Variants in RPS6KA1 observed in about 807,000 individuals in gnomAD.
RPS6KA1 encodes ribosomal protein S6 kinase alpha-1.
RPS6KA1 carries 48 observed loss-of-function variants against 91.3 expected under a neutral mutation model. The observed-to-expected ratio is 0.53, with a 90% CI of 0.42 to 0.67. RPS6KA1 has a LOEUF of 0.67. RPS6KA1 is among the 30% of genes least tolerant of loss of function. The pLI is 0.00. For synonymous variants in RPS6KA1, 359 were observed against 384.7 expected (o/e 0.93, Z 0.78); for missense variants, 719 against 960.5 (o/e 0.75, Z 3.32).
At chr1:26,542,902 T>C (rs2075959693) in intron 2 of RPS6KA1, among the ~76,000 whole-genome samples, 1 of 152,206 alleles carries the variant, frequency 6.6e-6, no homozygotes, top group South Asian at 2.1e-4. Flanking sequence ...GACTTTTGTC[T>C]CTGCTCTTGT....
chr1:26,573,177 G>GC, intron 20 of RPS6KA1, 47 bp from the exon 21 acceptor site: 1 of 1,598,614 alleles, frequency 6.3e-7, no homozygotes, highest in Non-Finnish European at 8.5e-7. Context: ...TCAGGGGCCT[G>GC]CTCCCCTGCA....
intron 21 of RPS6KA1, 85 bp downstream of exon 21, chr1:26,573,446 C>A: frequency 1.3e-6 from 2 of 1,487,580 alleles, no homozygotes; most frequent in Non-Finnish European, 1.9e-6. Flanking sequence ...CCAGGCAATG[C>A]CATGTCTGTA....
intron 2 of RPS6KA1, among the ~76,000 whole-genome samples, chr1:26,546,332 C>T (rs761459723): frequency 2.0e-5 from 3 of 152,200 alleles, no homozygotes; most frequent in East Asian, 1.9e-4. Flanking sequence ...AGTCTTTGGC[C>T]TTAACTCTGA....
At chr1:26,533,923 C>A (rs907931228) in intron 1 of RPS6KA1, among the ~76,000 whole-genome samples, 16 of 152,100 alleles carry the variant, frequency 1.1e-4, no homozygotes, top group African/African-American at 3.6e-4. Flanking sequence ...CCTGACCCCC[C>A]TACCAGTCTG....
chr1:26,563,784 A>G (rs1245736211), intron 17 of RPS6KA1, among the ~76,000 whole-genome samples: 1 of 152,110 alleles, frequency 6.6e-6, no homozygotes, highest in Non-Finnish European at 1.5e-5. Context: ...CTCTAACATC[A>G]TTATTAGCTT....
intron 2 of RPS6KA1, chr1:26,546,110 TA>T (rs920657879): frequency 3.9e-6 from 6 of 1,539,342 alleles, no homozygotes; most frequent in Non-Finnish European, 4.4e-6. Context: ...CAGCTTAACA[TA>T]AGCTGGCTTT....
chr1:26,530,462 A>G (rs1247677322), intron 1 of RPS6KA1, among the ~76,000 whole-genome samples: 1 of 152,120 alleles, frequency 6.6e-6, no homozygotes, highest in Non-Finnish European at 1.5e-5. Context: ...CCCCTGGCGG[A>G]TGCGGAGTGT....
At chr1:26,548,370 A>G (rs181040369) in intron 4 of RPS6KA1, among the ~76,000 whole-genome samples, 69 of 152,262 alleles carry the variant, frequency 4.5e-4, no homozygotes, top group African/African-American at 1.6e-3. Flanking sequence ...GGGTGGGCCC[A>G]GAGGCCAAGG....
Position 26,547,458 on chromosome 1 carries a change from T to TGCA in RPS6KA1, c.307+188_307+189insGCA. 1 of 584,584 alleles carries TGCA rather than the reference T, an allele frequency of 1.7e-6. No individual in the cohort carries two copies. The highest frequency in any genetic ancestry group is 2.9e-5 in the East Asian group (1 of 34,310). 36.2% of individuals were successfully genotyped at this position (584,584 alleles called of 1,614,324 possible). ...ATCCTCCTCCCCCTAAGCCAAGTGCTAGTGACTGGCTGTGAAGGTCTGGAA... is the reference window on the plus strand; with the variant it reads ...ATCCTCCTCCCCCTAAGCCAAGTGCTGCAAGTGACTGGCTGTGAAGGTCTGGAA... On this transcript the variant is annotated intron_variant, in intron 4 of 21. Coordinates refer to ENST00000374168, the MANE Select transcript of RPS6KA1 (RefSeq NM_002953.4). The surrounding 1 kb of genome is among the most constrained non-coding windows in gnomAD (Gnocchi z 4.1).
At chr1:26,544,141 C>T (rs779809374) in intron 2 of RPS6KA1, 1 of 456,360 alleles carries the variant, frequency 2.2e-6, no homozygotes, top group South Asian at 1.5e-5. Context: ...CTGCTGCCTG[C>T]CCGTGTGTCT....
At position 26,555,972 on chromosome 1, in the gene RPS6KA1, C is replaced by A; in HGVS notation, c.916+347C>A. 2.6e-6 allele frequency: 1 copy of A among 385,536 alleles called. No individual in the cohort carries two copies. Among genetic ancestry groups the A allele is most frequent in the Admixed American group, 3.7e-5 (1 of 26,776 alleles). The allele number at this position is 385,536 out of a possible 1,614,324, so 23.9% of individuals were successfully genotyped here. A position where few individuals can be genotyped will look rare whatever the true frequency, so the allele number is the denominator to read the frequency against. On this transcript the variant is annotated intron_variant, in intron 11 of 21. Coordinates refer to ENST00000374168, the MANE Select transcript of RPS6KA1 (RefSeq NM_002953.4). The surrounding 1 kb of genome is among the most constrained non-coding windows in gnomAD (Gnocchi z 4.3). ...ATCCCGGCTCTGTGTCAGGTCCCCA[C>A]TGCCTGGCACAAAACAGTCCCTCTA...
At chr1:26,562,860 G>C (rs547121404) in intron 17 of RPS6KA1, among the ~76,000 whole-genome samples, 1 of 105,456 alleles carries the variant, frequency 9.5e-6, no homozygotes, top group Non-Finnish European at 1.7e-5. Context: ...TTTGGAGATA[G>C]AGTCTTGCTC....
In RPS6KA1 at chr1:26,567,021, C is replaced by CTCT. The variant is rs1553134125; in HGVS notation, c.1591-4427_1591-4426insCTT. ...GGGTTCTGTGCACTTTACATATTAA[C>CTCT]TTTTTTTTTTTTTGAGACAGGGTCT... On this transcript the variant is annotated intron_variant, in intron 17 of 21. Transcript: ENST00000374168. Among the ~76,000 whole-genome samples, 36 of 76,838 alleles carry CTCT rather than the reference C, an allele frequency of 4.7e-4. 1 individual carries two copies. In the East Asian group the frequency reaches 0.013, roughly 28 times the overall value. The allele number at this position is 76,838 out of a possible 152,430, so 50.4% of individuals were successfully genotyped here. A position where few individuals can be genotyped will look rare whatever the true frequency, so the allele number is the denominator to read the frequency against.
intron 12 of RPS6KA1, 35 bp downstream of exon 12, chr1:26,556,753 G>GGGCTCAGCCATCTTGGCCAC: frequency 6.2e-7 from 1 of 1,611,204 alleles, no homozygotes; most frequent in Non-Finnish European, 8.5e-7. Flanking sequence ...GCTCTGGCCA[G>GGGCTCAGCCATCTTGGCCAC]GGCTCAGCCA....
At chr1:26,550,501 TAG>T (rs929089544) in intron 4 of RPS6KA1, among the ~76,000 whole-genome samples, 1 of 151,962 alleles carries the variant, frequency 6.6e-6, no homozygotes, top group African/African-American at 2.4e-5. Flanking sequence ...GTATTTTTAA[TAG>T]AGACAGGGTT....
At chr1:26,573,014 T>TC (rs1374859812) in intron 20 of RPS6KA1, among the ~76,000 whole-genome samples, 1 of 152,136 alleles carries the variant, frequency 6.6e-6, no homozygotes, top group Non-Finnish European at 1.5e-5. Flanking sequence ...GGAAGGGTGT[T>TC]CCAGGACGAA....
Position 26,555,625 on chromosome 1 carries a change from G to A in RPS6KA1, c.916G>A (p.Gly306Ser), listed in dbSNP as rs1355237114. 7.6e-6 allele frequency: 12 copies of A among 1,589,284 alleles called. No individual in the cohort carries two copies. The highest frequency in any genetic ancestry group is 1.3e-5 in the African/African-American group (1 of 74,288). Residue 306 changes from glycine (G) to serine (S), a missense_variant and splice_region_variant, in exon 11 of 22, where the codon GGC becomes AGC. By Grantham distance (56) the Gly-to-Ser change is moderately conservative (BLOSUM62 0). Transcript: ENST00000374168. This position sits in a 1 kb window ranked among gnomAD's most constrained non-coding sequence, Gnocchi z 4.3. ...LFKRNPANRL[G>S]SGPDGAEEIK... The stretch of plus-strand genomic sequence containing the variant: ...CAAGCGGAATCCTGCCAACCGGCTC[G>A]GTAAGCAGCCCCAGCTCAGGGGAGG...
chr1:26,573,188 G>GC, intron 20 of RPS6KA1, 36 bp from the exon 21 acceptor site: 2 of 1,608,402 alleles, frequency 1.2e-6, no homozygotes, highest in Middle Eastern at 1.7e-4. Flanking sequence ...CTCCCCTGCA[G>GC]CCCTCCCCCA....
intron 1 of RPS6KA1, chr1:26,530,770 G>T (rs1169157453): frequency 8.5e-6 from 11 of 1,287,706 alleles, no homozygotes; most frequent in South Asian, 3.7e-5. Flanking sequence ...TCCCTTGAGG[G>T]CTCTGTGGCT....
Sources: allele counts gnomAD v4.1 joint callset (sites outside exome capture counted in the v4.1 genomes callset), GRCh38; gene constraint gnomAD v4.1.1; non-coding constraint Gnocchi (gnomAD v3.1); transcripts MANE v1.5; gene names NCBI Gene and HGNC (gene_info 2026-07-23, HGNC 2026-07-21).